The following ITFG2 variants were observed in gnomAD, a reference collection of about 807,000 sequenced individuals.
The protein encoded by ITFG2 is integrin alpha FG-GAP repeat containing 2.
A neutral mutation model predicts 54.4 loss-of-function variants in ITFG2; 36 were observed. The observed-to-expected ratio is 0.66, with a 90% CI of 0.51 to 0.87. The LOEUF (loss-of-function observed/expected upper bound fraction) is 0.87. Ranked by LOEUF, ITFG2 falls within the 40% of genes least tolerant of loss-of-function variation. The pLI, the probability that ITFG2 is intolerant of heterozygous loss-of-function variation, is 0.00. For synonymous variants in ITFG2, 211 were observed against 225.4 expected (o/e 0.94, Z 0.57); for missense variants, 524 against 576.7 (o/e 0.91, Z 0.94).
intron 9 of ITFG2, 110 bp downstream of exon 9, chr12:2,821,902 C>A: frequency 2.7e-5 from 19 of 703,826 alleles, no homozygotes; most frequent in Non-Finnish European, 3.8e-5. Context: ...CAACCTTTAT[C>A]TTTAGTCTCT....
At chr12:2,816,703 G>A (rs565069985) in intron 1 of ITFG2, among the ~76,000 whole-genome samples, 2 of 143,596 alleles carry the variant, frequency 1.4e-5, no homozygotes, top group African/African-American at 5.3e-5. Context: ...CAGTGGTGCA[G>A]TCTTGCTCAC....
intron 1 of ITFG2, among the ~76,000 whole-genome samples, chr12:2,837,300 A>AC (rs1286374442): frequency 6.6e-6 from 1 of 150,720 alleles, no homozygotes; most frequent in Non-Finnish European, 1.5e-5. Context: ...ACACAGTGAA[A>AC]CCCCGTCTCT....
intron 2 of ITFG2, among the ~76,000 whole-genome samples, chr12:2,850,915 G>C (rs899622941): frequency 9.3e-5 from 14 of 149,792 alleles, no homozygotes; most frequent in Non-Finnish European, 1.5e-4. Flanking sequence ...CAAGTGATTC[G>C]CCCGCCTTGG....
intron 2 of ITFG2, chr12:2,855,264 C>A: frequency 1.3e-6 from 2 of 1,514,016 alleles, no homozygotes; most frequent in Non-Finnish European, 1.8e-6. Context: ...CGCCACCCTT[C>A]CAAGGGTGGA....
At chr12:2,831,221 C>G (rs917618047), downstream of ITFG2, among the ~76,000 whole-genome samples, 6 of 149,150 alleles carry the variant, frequency 4.0e-5, no homozygotes, top group Non-Finnish European at 8.9e-5. Flanking sequence ...TTTTTTTCTT[C>G]CCCTCTGACC....
rs977727949 is a variant in ITFG2 at position 2,849,374 on chromosome 12, T to C, written n.300+8379T>C. On this transcript the variant is annotated intron_variant and non_coding_transcript_variant, in intron 2 of 3. Coordinates refer to the ITFG2 transcript ENST00000537710. The stretch of plus-strand genomic sequence containing the variant: ...ATGAGGTCCTGGCTCAGGGGCGCGC[T>C]GGGCAGCAAGGCCAGCTTTAGCACC... 46 of 1,536,044 alleles carry C rather than the reference T, an allele frequency of 3.0e-5. No homozygotes were observed. In the Admixed American group the frequency reaches 3.1e-4, roughly 10 times the overall value.
Position 2,820,703 on chromosome 12 carries a change from T to G in ITFG2, c.547-21T>G, listed in dbSNP as rs776065268. On this transcript the variant is annotated intron_variant, in intron 5 of 11. Coordinates refer to ENST00000228799, the MANE Select transcript of ITFG2 (RefSeq NM_018463.4). ...ACTTCCTTCTCTCTCCGTCTCCCTT[T>G]AATCCCATTCCCTGGTGCAGGTGGA... is the stretch of plus-strand genomic sequence containing the variant. 6.3e-5 allele frequency: 92 copies of G among 1,466,116 alleles called. 1 individual carries two copies. Among genetic ancestry groups the G allele is most frequent in the Non-Finnish European group, 8.0e-5 (87 of 1,084,864 alleles). 90.8% of individuals were successfully genotyped at this position (1,466,116 alleles called of 1,614,324 possible).
intron 2 of ITFG2, among the ~76,000 whole-genome samples, chr12:2,855,859 C>T (rs985269712): frequency 3.9e-5 from 6 of 152,126 alleles, no homozygotes; most frequent in African/African-American, 1.4e-4. Context: ...GGCAGCCCAC[C>T]TTCACTTGCT....
At chr12:2,816,614 C>T (rs1331808928) in intron 1 of ITFG2, among the ~76,000 whole-genome samples, 1 of 151,376 alleles carries the variant, frequency 6.6e-6, no homozygotes, top group Non-Finnish European at 1.5e-5. Context: ...CAGGCATGAG[C>T]CACTGCGCCT....
At position 2,818,530 on chromosome 12, in the gene ITFG2, CCT is replaced by C. The variant is rs1453284334; in HGVS notation, c.406+257_406+258del. The stretch of plus-strand genomic sequence containing the variant: ...GAAACAATATAGGCTAGGTGTGCTG[CCT>C]CTCGCCTGTGATACCAACGCTTTGG... On this transcript the variant is annotated intron_variant, in intron 4 of 11. Transcript: ENST00000228799. 14 of 570,058 alleles carry C rather than the reference CCT, an allele frequency of 2.5e-5. No homozygotes were observed. The African/African-American group carries it at 2.5e-4, about 10-fold the overall frequency. The allele number at this position is 570,058 out of a possible 1,614,324, so 35.3% of individuals were successfully genotyped here. A position where few individuals can be genotyped will look rare whatever the true frequency, so the allele number is the denominator to read the frequency against.
At chr12:2,843,682 G>A (rs186461504) in intron 2 of ITFG2, among the ~76,000 whole-genome samples, 2 of 152,016 alleles carry the variant, frequency 1.3e-5, no homozygotes, top group East Asian at 1.9e-4. Flanking sequence ...GCATGGTGGC[G>A]TGCGCCCATA....
At chr12:2,859,010 T>C in intron 3 of ITFG2, 2 of 1,612,664 alleles carry the variant, frequency 1.2e-6, no homozygotes, top group Non-Finnish European at 8.5e-7. Context: ...GGGAGGTTTG[T>C]ACTGGGCTGA....
chr12:2,813,210 T>A (rs1415058619), intron 1 of ITFG2, among the ~76,000 whole-genome samples: 1 of 152,148 alleles, frequency 6.6e-6, no homozygotes. Context: ...CTAATTTTTG[T>A]GTTTTTAGTA....
chr12:2,822,371 G>T (rs1040337116), intron 9 of ITFG2, among the ~76,000 whole-genome samples: 31 of 152,194 alleles, frequency 2.0e-4, no homozygotes, highest in Middle Eastern at 3.2e-3. Context: ...TACTGTAAGA[G>T]CCTGGAAGTG....
chr12:2,830,991 A>G (rs1304264347), downstream of ITFG2: 1 of 791,164 alleles, frequency 1.3e-6, no homozygotes, highest in Admixed American at 4.3e-5. Context: ...CTAGGAGTTT[A>G]CCCTAGGGTC....
At position 2,821,771 on chromosome 12, in the gene ITFG2, C is replaced by T. The variant is rs758447342; in HGVS notation, c.927C>T (p.Ala309=). The T allele has an allele frequency of 1.9e-6, 3 of 1,613,782 alleles. No individual in the cohort carries two copies. Among genetic ancestry groups the T allele is most frequent in the Non-Finnish European group, 2.5e-6 (3 of 1,179,870 alleles). ...TGCAGGTGGATCACCAGCTCTTTGC[C>T]CTGGAGAAACTGGATGTCACCGTGA... ...WSVQVDHQLF[A]LEKLDVTGNG... is the part of the protein sequence containing the mutation. The change falls in exon 9 of 12, where the codon GCC becomes GCT. Residue 309 remains alanine, a synonymous_variant. Transcript: ENST00000228799.
chr12:2,855,584 G>A, intron 2 of ITFG2: 1 of 574,770 alleles, frequency 1.7e-6, no homozygotes, highest in Non-Finnish European at 2.8e-6. Flanking sequence ...AGTCCTGGCA[G>A]GGCCGCATCT....
intron 5 of ITFG2, 48 bp downstream of exon 5, chr12:2,820,273 G>C: frequency 6.6e-7 from 1 of 1,515,914 alleles, no homozygotes; most frequent in South Asian, 1.3e-5. Flanking sequence ...CTGGGAGGAA[G>C]GTCTCCTGGA....
rs771932018 is a variant in ITFG2, at chr12:2,855,219, A to G, written n.301-2793A>G. 1.1e-5 allele frequency: 17 copies of G among 1,506,432 alleles called. No homozygotes were observed. The South Asian group carries it at 1.9e-4, about 17-fold the overall frequency. The allele number at this position is 1,506,432 out of a possible 1,614,324, so 93.3% of individuals were successfully genotyped here. On this transcript the variant is annotated intron_variant and non_coding_transcript_variant, in intron 2 of 3. Transcript: ENST00000537710. The stretch of plus-strand genomic sequence containing the variant: ...GGAAGGTGGCAGGCAGACGGCACAC[A>G]TCGAGCCACGTGTGAAAGCCCCAGG...
Sources: allele counts gnomAD v4.1 joint callset (sites outside exome capture counted in the v4.1 genomes callset), GRCh38; gene constraint gnomAD v4.1.1; transcripts MANE v1.5; gene names NCBI Gene and HGNC (gene_info 2026-07-23, HGNC 2026-07-21).